Variants in RNF38 observed in about 807,000 individuals in gnomAD.
RNF38 encodes the protein ring finger protein 38.
RNF38 carries 15 observed loss-of-function variants against 67.2 expected under a neutral mutation model. The observed-to-expected ratio is 0.22, with a 90% CI of 0.15 to 0.34. RNF38 has a LOEUF of 0.34. Ranked by LOEUF, RNF38 falls within the 10% of genes least tolerant of loss-of-function variation. RNF38 has a pLI of 1.00. For missense variants in RNF38, 524 were observed against 639.9 expected, an observed-to-expected ratio of 0.82 and a Z score of 1.95; for synonymous variants, 220 against 218.8, an observed-to-expected ratio of 1.01 and a Z score of -0.05.
At chr9:36,418,438 A>G (rs1838531085) in intron 2 of RNF38, among the ~76,000 whole-genome samples, 1 of 151,908 alleles carries the variant, frequency 6.6e-6, no homozygotes, top group Non-Finnish European at 1.5e-5. Context: ...GGATCACTTG[A>G]GGACAGGAGC....
intron 10 of RNF38, among the ~76,000 whole-genome samples, chr9:36,343,414 A>G (rs1399455037): frequency 6.6e-6 from 1 of 152,230 alleles, no homozygotes; most frequent in Non-Finnish European, 1.5e-5. Context: ...CAATAATACA[A>G]AGACAAACCA....
intron 1 of RNF38, among the ~76,000 whole-genome samples, chr9:36,447,934 C>T (rs369885860): frequency 2.3e-4 from 35 of 152,320 alleles, no homozygotes; most frequent in African/African-American, 7.0e-4. Flanking sequence ...CCAAGAGCAG[C>T]GGCTTCTACC....
At chr9:36,482,807 T>C (rs1050940048) in intron 1 of RNF38, among the ~76,000 whole-genome samples, 2 of 152,042 alleles carry the variant, frequency 1.3e-5, no homozygotes, top group Non-Finnish European at 2.9e-5. Flanking sequence ...TTGAAGCCCC[T>C]AGGGCAAGCA....
intron 1 of RNF38, among the ~76,000 whole-genome samples, chr9:36,454,016 T>C (rs1202467935): frequency 6.6e-6 from 1 of 152,214 alleles, no homozygotes; most frequent in African/African-American, 2.4e-5. Flanking sequence ...ACCTTAGTAA[T>C]GGGTACGCAT....
At chr9:36,416,182 G>A (rs1395068410) in intron 2 of RNF38, among the ~76,000 whole-genome samples, 1 of 149,268 alleles carries the variant, frequency 6.7e-6, no homozygotes, top group Non-Finnish European at 1.5e-5. Flanking sequence ...GTGGCCACAG[G>A]GCGGAGGGAG....
chr9:36,341,065 A>G (rs1160291316), intron 11 of RNF38, among the ~76,000 whole-genome samples: 1 of 152,034 alleles, frequency 6.6e-6, no homozygotes, highest in Non-Finnish European at 1.5e-5. Context: ...TCCTTCTATA[A>G]AACAGTCTGT....
At chr9:36,361,538 A>G (rs72731449) in intron 4 of RNF38, among the ~76,000 whole-genome samples, 2,007 of 152,272 alleles carry the variant, frequency 0.013, 29 homozygotes, top group Non-Finnish European at 0.019. Flanking sequence ...GTCACTTATA[A>G]ATTTTATATA....
intron 4 of RNF38, 59 bp downstream of exon 4, chr9:36,369,660 A>G (rs150565142): frequency 7.2e-7 from 1 of 1,397,356 alleles, no homozygotes; most frequent in Admixed American, 2.5e-5. Flanking sequence ...AAAAAAAAAA[A>G]ATCTCAAACT....
chr9:36,384,624 C>T (rs1377120478), intron 2 of RNF38, among the ~76,000 whole-genome samples: 1 of 152,106 alleles, frequency 6.6e-6, no homozygotes, highest in Non-Finnish European at 1.5e-5. Flanking sequence ...GCAGTTTATG[C>T]AGTGTTGGAA....
chr9:36,463,898 T>G (rs1396283942), intron 1 of RNF38, among the ~76,000 whole-genome samples: 1 of 152,216 alleles, frequency 6.6e-6, no homozygotes, highest in African/African-American at 2.4e-5. Flanking sequence ...CCAGGTGCGG[T>G]GGCTCACGCC....
intron 2 of RNF38, among the ~76,000 whole-genome samples, chr9:36,380,920 A>G (rs1362401697): frequency 6.6e-6 from 1 of 152,240 alleles, no homozygotes; most frequent in South Asian, 2.1e-4. Flanking sequence ...GGAATAGAAG[A>G]TAAGGCCTTA....
chr9:36,441,606 G>A (rs1014441537), intron 1 of RNF38, among the ~76,000 whole-genome samples: 1 of 152,162 alleles, frequency 6.6e-6, no homozygotes, highest in African/African-American at 2.4e-5. Flanking sequence ...ACAGGCGTGA[G>A]CCACCGCGCC....
chr9:36,458,305 T>C (rs1296567352), intron 1 of RNF38, among the ~76,000 whole-genome samples: 1 of 152,174 alleles, frequency 6.6e-6, no homozygotes, highest in Non-Finnish European at 1.5e-5. Context: ...CTCTGTAAGA[T>C]GGACCAACCA....
At chr9:36,480,780 G>A (rs979948975) in intron 1 of RNF38, among the ~76,000 whole-genome samples, 1 of 151,566 alleles carries the variant, frequency 6.6e-6, no homozygotes, top group Non-Finnish European at 1.5e-5. Context: ...TCAAACTCGA[G>A]CTCAAGTTAT....
chr9:36,454,679 T>A (rs753582754), intron 1 of RNF38, among the ~76,000 whole-genome samples: 1 of 143,010 alleles, frequency 7.0e-6, no homozygotes, highest in African/African-American at 2.6e-5. Flanking sequence ...GCCTCCCAGG[T>A]TCAAGTGATT....
At chr9:36,348,885 A>G (rs1166906159) in intron 9 of RNF38, among the ~76,000 whole-genome samples, 1 of 152,232 alleles carries the variant, frequency 6.6e-6, no homozygotes, top group Non-Finnish European at 1.5e-5. Flanking sequence ...ACAGCCCTAT[A>G]TTGGAAGAGG....
intron 3 of RNF38, chr9:36,372,724 G>A (rs921773106): frequency 2.2e-6 from 1 of 457,550 alleles, no homozygotes. Context: ...CGAGGACCAT[G>A]ATGCTTTTCA....
At chr9:36,404,803 T>C (rs929604779), upstream of RNF38, among the ~76,000 whole-genome samples, 3 of 152,246 alleles carry the variant, frequency 2.0e-5, no homozygotes, top group Admixed American at 6.5e-5. Flanking sequence ...CTCATTTTCT[T>C]GTCTTAGTGC....
intron 1 of RNF38, among the ~76,000 whole-genome samples, chr9:36,393,518 T>TGG (rs1837288133): frequency 7.0e-6 from 1 of 142,012 alleles, no homozygotes; most frequent in African/African-American, 2.8e-5. Flanking sequence ...TGTGTGTGTG[T>TGG]GTGTGGGGCA....
Sources: gnomAD v4.1 joint callset for allele counts (sites outside exome capture counted in the v4.1 genomes callset) on GRCh38, gnomAD v4.1.1 for gene constraint, MANE v1.5 for transcripts, NCBI Gene and HGNC (gene_info 2026-07-23, HGNC 2026-07-21) for gene names.